Variants in CKMT2 observed in about 807,000 individuals in gnomAD.
CKMT2 encodes the protein creatine kinase, mitochondrial 2, also known as creatine kinase S-type, mitochondrial.
A neutral mutation model predicts 48.9 loss-of-function variants in CKMT2; 43 were observed. The ratio of observed to expected loss-of-function variants is 0.88; its 90% CI spans 0.69 to 1.13. CKMT2 has a LOEUF of 1.13. Among genes scored for constraint, CKMT2 ranks in the 50% most tolerant of loss-of-function variants. CKMT2 has a pLI of 0.00. For synonymous variants in CKMT2, 206 were observed against 213.0 expected (o/e 0.97, Z 0.29); for missense variants, 472 against 555.4 (o/e 0.85, Z 1.51).
intron 5 of CKMT2, 92 bp from the exon 6 acceptor site, chr5:81,256,823 G>C: frequency 1.2e-6 from 1 of 848,918 alleles, no homozygotes; most frequent in Non-Finnish European, 1.9e-6. Flanking sequence ...CAGCAGCCAT[G>C]ATAAGTGGGT....
At chr5:81,256,808 A>T (rs953635047) in intron 5 of CKMT2, 107 bp from the exon 6 acceptor site, 2 of 737,326 alleles carry the variant, frequency 2.7e-6, no homozygotes. Context: ...CCACTGCCTA[A>T]GAGACAGCAG....
rs114716327 is a variant in CKMT2 at position 81,256,449 on chromosome 5, G to C, written c.670-466G>C. ...AGCATTAATGGTAACTATATTTATT[G>C]ATCATTACTGTACATCTCTAATACT... On this transcript the variant is annotated intron_variant, in intron 5 of 9. Transcript: ENST00000254035. Among the ~76,000 whole-genome samples the C allele has an allele frequency of 1.1e-3, 166 of 152,292 alleles. 2 individuals are homozygous for C. Among genetic ancestry groups the C allele is most frequent in the African/African-American group, 3.9e-3 (162 of 41,564 alleles).
chr5:81,259,225 G>A lies in CKMT2; in HGVS notation c.985G>A (p.Val329Ile), dbSNP rs763942256. ...SNLGTGLRAG[V>I]HVRIPKLSKD... ...CCTTGGAACAGGACTACGAGCTGGT[G>A]TCCACGTTAGGATCCCAAAGCTCAG... The change falls in exon 8 of 10, where the codon GTC becomes ATC. Residue 329 changes from valine (V) to isoleucine (I), a missense_variant. Physicochemically the swap from Val to Ile is conservative, Grantham distance 29. Coordinates refer to ENST00000254035, the MANE Select transcript of CKMT2 (RefSeq NM_001099735.2). 2 of 1,614,018 alleles carry A rather than the reference G, an allele frequency of 1.2e-6. No individual in the cohort carries two copies. Among genetic ancestry groups the A allele is most frequent in the South Asian group, 2.2e-5 (2 of 91,030 alleles).
intron 1 of CKMT2, chr5:81,237,525 G>C (rs1756284095): frequency 6.6e-6 from 1 of 152,042 alleles, no homozygotes; most frequent in Non-Finnish European, 1.5e-5. Context: ...AAAAAAGGTG[G>C]AGCCTAGAAA....
At chr5:81,253,372 A>G (rs1756887806) in intron 3 of CKMT2, among the ~76,000 whole-genome samples, 1 of 152,178 alleles carries the variant, frequency 6.6e-6, no homozygotes, top group African/African-American at 2.4e-5. Context: ...CGATCACTGT[A>G]GCCCAGACTA....
At chr5:81,243,476 A>T (rs982454693) in intron 1 of CKMT2, among the ~76,000 whole-genome samples, 1 of 152,194 alleles carries the variant, frequency 6.6e-6, no homozygotes, top group Admixed American at 6.5e-5. Flanking sequence ...AGAAACAGCA[A>T]ACCAATATTT....
intron 3 of CKMT2, among the ~76,000 whole-genome samples, chr5:81,253,349 A>G (rs1382476300): frequency 6.6e-6 from 1 of 152,162 alleles, no homozygotes; most frequent in East Asian, 1.9e-4. Context: ...TTTCTCTCCT[A>G]TTACTGATTA....
intron 1 of CKMT2, among the ~76,000 whole-genome samples, chr5:81,247,942 AG>A (rs35548767): frequency 0.098 from 14,851 of 152,226 alleles, 875 homozygotes; most frequent in African/African-American, 0.15. Flanking sequence ...CTCAGACACA[AG>A]GGCAGTATTG....
Position 81,255,012 on chromosome 5 carries a change from A to T in CKMT2, c.467A>T (p.Asp156Val). 1 of 1,613,948 alleles carries T rather than the reference A, an allele frequency of 6.2e-7. No individual in the cohort carries two copies. The highest frequency in any genetic ancestry group is 8.5e-7 in the Non-Finnish European group (1 of 1,179,992). Residue 156 changes from aspartate (D) to valine (V), a missense_variant, in exon 5 of 10, where the codon GAC becomes GTC. Transcript: ENST00000254035. ...DASKITQGQF[D>V]EHYVLSSRVR... is the part of the protein sequence containing the mutation. ...TGGCAGATCACCCAAGGGCAGTTCG[A>T]CGAGCATTACGTGCTGTCTTCTCGG...
intron 1 of CKMT2, among the ~76,000 whole-genome samples, chr5:81,240,154 T>C (rs551261831): frequency 6.4e-4 from 97 of 152,142 alleles, no homozygotes; most frequent in African/African-American, 2.2e-3. Flanking sequence ...CCTGGAAGCC[T>C]GTAGTGAGTG....
chr5:81,257,678 C>T, intron 6 of CKMT2, 55 bp from the exon 7 acceptor site: 1 of 1,531,522 alleles, frequency 6.5e-7, no homozygotes, highest in Non-Finnish European at 8.9e-7. Flanking sequence ...TGGGAATTTT[C>T]ATGTGTTGAA....
intron 1 of CKMT2, among the ~76,000 whole-genome samples, chr5:81,249,922 T>C (rs531197848): frequency 6.6e-6 from 1 of 152,364 alleles, no homozygotes; most frequent in South Asian, 2.1e-4. Flanking sequence ...TTTGTCACTG[T>C]TATTCTGCAG....
At chr5:81,236,449 C>A (rs1426322577) in intron 1 of CKMT2, among the ~76,000 whole-genome samples, 1 of 152,182 alleles carries the variant, frequency 6.6e-6, no homozygotes, top group Non-Finnish European at 1.5e-5. Context: ...TCTTGAGCCT[C>A]TGTTTCCCCA....
intron 1 of CKMT2, among the ~76,000 whole-genome samples, chr5:81,244,409 G>A (rs1561278333): frequency 6.6e-6 from 1 of 152,170 alleles, no homozygotes; most frequent in Non-Finnish European, 1.5e-5. Flanking sequence ...TCTTAGCCTG[G>A]TTGTAAGACA....
rs760692241 is a variant in CKMT2 at position 81,259,216 on chromosome 5, C to T, written c.976C>T (p.Arg326Ter). The T allele has an allele frequency of 8.7e-6, 14 of 1,613,920 alleles. No homozygotes were observed. The East Asian group carries it at 8.9e-5, about 10-fold the overall frequency. The change falls in exon 8 of 10, where the codon CGA (arginine) becomes TGA (stop). Residue 326 changes from arginine to a stop codon, truncating the protein, a stop_gained. Coordinates refer to ENST00000254035, the MANE Select transcript of CKMT2 (RefSeq NM_001099735.2). LOFTEE classifies it high-confidence loss of function. ...TCPSNLGTGLRAGVHVRIPKL... is the reference protein window; with the variant it reads ...TCPSNLGTGL Reference sequence around the variant, plus strand: ...TCCTTCGAACCTTGGAACAGGACTACGAGCTGGTGTCCACGTTAGGATCCC... The same window carrying T: ...TCCTTCGAACCTTGGAACAGGACTATGAGCTGGTGTCCACGTTAGGATCCC...
chr5:81,237,056 G>C (rs946042180), intron 1 of CKMT2, among the ~76,000 whole-genome samples: 3 of 152,218 alleles, frequency 2.0e-5, no homozygotes, highest in Admixed American at 1.3e-4. Flanking sequence ...GGCTGAGGCA[G>C]GAGAATTGCT....
intron 8 of CKMT2, among the ~76,000 whole-genome samples, chr5:81,261,866 A>G (rs1311726410): frequency 6.6e-6 from 1 of 152,236 alleles, no homozygotes; most frequent in Admixed American, 6.5e-5. Flanking sequence ...GGAACCAAAA[A>G]GGAGCGCATA....
intron 3 of CKMT2, 74 bp from the exon 4 acceptor site, chr5:81,254,322 G>C (rs1246850176): frequency 1.5e-6 from 2 of 1,291,036 alleles, no homozygotes; most frequent in Non-Finnish European, 1.1e-6. Flanking sequence ...AGATACAAGG[G>C]GCAAGTGAAT....
chr5:81,259,406 G>GACATTTGTATTA (rs765750466), intron 8 of CKMT2, 152 bp downstream of exon 8: 1 of 636,274 alleles, frequency 1.6e-6, no homozygotes, highest in Non-Finnish European at 2.5e-6. Context: ...TGCCTCCAAA[G>GACATTTGTATTA]ACATTTGTAT....
Sources: gnomAD v4.1 joint callset for allele counts (sites outside exome capture counted in the v4.1 genomes callset) on GRCh38, gnomAD v4.1.1 for gene constraint, MANE v1.5 for transcripts, NCBI Gene and HGNC (gene_info 2026-07-23, HGNC 2026-07-21) for gene names.